The following TNS3 variants were observed in gnomAD, a reference collection of about 807,000 sequenced individuals.
The protein encoded by TNS3 is tensin-3.
A neutral mutation model predicts 140.9 loss-of-function variants in TNS3; 45 were observed. The observed-to-expected ratio is 0.32, with a 90% CI of 0.25 to 0.41. The LOEUF is 0.41. TNS3 is among the 10% of genes least tolerant of loss of function. The pLI is 1.00. For missense variants in TNS3, 1,716 were observed against 1,906.7 expected (o/e 0.90, Z 1.86); for synonymous variants, 815 against 788.4 (o/e 1.03, Z -0.56).
At chr7:47,399,853 TAC>T (rs1206338802) in intron 15 of TNS3, among the ~76,000 whole-genome samples, 1 of 151,946 alleles carries the variant, frequency 6.6e-6, no homozygotes, top group Non-Finnish European at 1.5e-5. Context: ...AAATCTTCTG[TAC>T]CACAAAAGAA....
chr7:47,377,135 G>A (rs183108960), intron 16 of TNS3, among the ~76,000 whole-genome samples: 9 of 152,284 alleles, frequency 5.9e-5, no homozygotes, highest in South Asian at 4.2e-4. Flanking sequence ...ACTTGGGGCC[G>A]TCCAGCTGAA....
intron 8 of TNS3, among the ~76,000 whole-genome samples, chr7:47,433,446 C>A (rs1433198966): frequency 6.6e-6 from 1 of 152,192 alleles, no homozygotes; most frequent in African/African-American, 2.4e-5. Flanking sequence ...CTAACAAGAG[C>A]TGTCCAGAAA....
intron 4 of TNS3, among the ~76,000 whole-genome samples, chr7:47,477,424 C>G (rs777326533): frequency 2.4e-4 from 36 of 152,092 alleles, no homozygotes; most frequent in Non-Finnish European, 5.1e-4. Context: ...GCCGCCAGCA[C>G]AGGACAGAGC....
chr7:47,312,956 C>T (rs1339505252), intron 20 of TNS3, among the ~76,000 whole-genome samples: 1 of 152,122 alleles, frequency 6.6e-6, no homozygotes, highest in Non-Finnish European at 1.5e-5. Context: ...ATGGCCTACA[C>T]CAGCCGGAGA....
chr7:47,399,106 A>G (rs1264206966), intron 15 of TNS3, among the ~76,000 whole-genome samples: 2 of 151,298 alleles, frequency 1.3e-5, no homozygotes, highest in Non-Finnish European at 3.0e-5. Flanking sequence ...AAAAACTAGA[A>G]ATATACTTAA....
At chr7:47,321,958 T>C (rs1161423019) in intron 20 of TNS3, among the ~76,000 whole-genome samples, 1 of 151,688 alleles carries the variant, frequency 6.6e-6, no homozygotes, top group Non-Finnish European at 1.5e-5. Context: ...TCCACCAAGG[T>C]TTTCCTGATG....
chr7:47,377,060 G>A (rs1252824389), intron 16 of TNS3, among the ~76,000 whole-genome samples: 1 of 152,140 alleles, frequency 6.6e-6, no homozygotes, highest in Non-Finnish European at 1.5e-5. Flanking sequence ...CCACCACAGG[G>A]AACAGGTAGC....
At chr7:47,527,533 C>G (rs1799242237) in intron 2 of TNS3, among the ~76,000 whole-genome samples, 1 of 152,202 alleles carries the variant, frequency 6.6e-6, no homozygotes, top group South Asian at 2.1e-4. Flanking sequence ...CATGGCCCTC[C>G]TGAACTGGAC....
intron 4 of TNS3, among the ~76,000 whole-genome samples, chr7:47,459,050 A>G (rs1278169017): frequency 6.6e-6 from 1 of 152,176 alleles, no homozygotes; most frequent in East Asian, 1.9e-4. Context: ...TGTCCATATC[A>G]CTATATTTTC....
intron 16 of TNS3, among the ~76,000 whole-genome samples, chr7:47,387,421 G>A (rs537232887): frequency 1.3e-5 from 2 of 152,344 alleles, no homozygotes; most frequent in South Asian, 2.1e-4. Flanking sequence ...CTAAAAGGCA[G>A]AAGAATCATT....
In TNS3 at chr7:47,302,210, T is replaced by C; in HGVS notation, c.3520A>G (p.Lys1174Glu). Residue 1174 changes from lysine (K) to glutamate (E), a missense_variant, in exon 23 of 31, where the codon AAG (lysine) becomes GAG (glutamate). Physicochemically the swap from Lys to Glu is moderately conservative, Grantham distance 56. Around this residue, in one of 3 missense-constraint regions of TNS3, gnomAD observed 1,163 missense variants for 1,182.1 expected, o/e 0.98. Coordinates refer to ENST00000311160, the MANE Select transcript of TNS3 (RefSeq NM_022748.12). ...CCTTGTTCTCTTGAAATATCCGCCTTGTACCAGAACTTGGAAGTGTCTTGA... is the reference window on the plus strand; with the variant it reads ...CCTTGTTCTCTTGAAATATCCGCCTCGTACCAGAACTTGGAAGTGTCTTGA... Reference protein sequence around the residue: ...FVQDTSKFWYKADISREQAIA... With the variant: ...FVQDTSKFWYEADISREQAIA... 6.2e-7 allele frequency: 1 copy of C among 1,614,266 alleles called. No homozygotes were observed. Among genetic ancestry groups the C allele is most frequent in the Non-Finnish European group, 8.5e-7 (1 of 1,180,040 alleles).
At chr7:47,517,082 A>G (rs149332178) in intron 2 of TNS3, among the ~76,000 whole-genome samples, 331 of 152,262 alleles carry the variant, frequency 2.2e-3, no homozygotes, top group African/African-American at 7.7e-3. Context: ...ACAAACAAAA[A>G]TCTAGCTCAT....
intron 4 of TNS3, among the ~76,000 whole-genome samples, chr7:47,445,061 C>T (rs76366274): frequency 0.024 from 3,641 of 152,238 alleles, 136 homozygotes; most frequent in African/African-American, 0.083. Context: ...TCAGCCCGTC[C>T]CCCAACATAC....
chr7:47,520,773 G>A lies in TNS3; in HGVS notation c.-153+8263C>T, dbSNP rs550592554. The stretch of plus-strand genomic sequence containing the variant: ...TTGGGAGCTTCTGGGAGATTCTGTC[G>A]TGTTGCCACCTCTCTGGATGGGGCA... On this transcript the variant is annotated intron_variant, in intron 2 of 30. Transcript: ENST00000311160. 2.4e-4 allele frequency among the ~76,000 whole-genome samples: 37 copies of A among 152,302 alleles called. 1 individual carries two copies. The highest frequency in any genetic ancestry group is 8.4e-4 in the African/African-American group (35 of 41,566).
chr7:47,397,891 C>G (rs926153062), intron 15 of TNS3, among the ~76,000 whole-genome samples: 1 of 152,092 alleles, frequency 6.6e-6, no homozygotes, highest in Non-Finnish European at 1.5e-5. Context: ...AAACAAAAAG[C>G]TGGTATTTTG....
intron 3 of TNS3, among the ~76,000 whole-genome samples, chr7:47,503,729 A>G (rs892571687): frequency 2.0e-5 from 3 of 152,100 alleles, no homozygotes; most frequent in African/African-American, 7.3e-5. Flanking sequence ...CTGCTATAAC[A>G]AAATATTGGG....
chr7:47,556,094 C>T (rs916902276), intron 1 of TNS3, among the ~76,000 whole-genome samples: 2 of 152,158 alleles, frequency 1.3e-5, no homozygotes, highest in Admixed American at 6.5e-5. Flanking sequence ...TACACACATA[C>T]GCATATAAAC....
chr7:47,336,192 A>T (rs1277005807), intron 20 of TNS3, among the ~76,000 whole-genome samples: 4 of 113,804 alleles, frequency 3.5e-5, no homozygotes, highest in Admixed American at 3.1e-4. Context: ...GCAGAGTTAA[A>T]AAAAAAAAAA....
At position 47,504,678 on chromosome 7, in the gene TNS3, T is replaced by C. The variant is rs373862157; in HGVS notation, c.-115+2229A>G. Among the ~76,000 whole-genome samples the C allele has an allele frequency of 2.0e-5, 3 of 152,346 alleles. No individual in the cohort carries two copies. In the East Asian group the frequency reaches 5.8e-4, roughly 29 times the overall value. ...TAATGTGGGAGAAGCCACAGCCATA[T>C]TCAGTTCCTGGAAGACCGAGCGGCT... is the stretch of plus-strand genomic sequence containing the variant. On this transcript the variant is annotated intron_variant, in intron 3 of 30. Coordinates refer to ENST00000311160, the MANE Select transcript of TNS3 (RefSeq NM_022748.12).
Sources: allele counts gnomAD v4.1 joint callset (sites outside exome capture counted in the v4.1 genomes callset), GRCh38; gene constraint gnomAD v4.1.1; regional missense constraint gnomAD v4.1.1; transcripts MANE v1.5; gene names NCBI Gene and HGNC (gene_info 2026-07-23, HGNC 2026-07-21).